The following APBB2 variants were observed in gnomAD, a reference collection of about 807,000 sequenced individuals.
The protein encoded by APBB2 is Fe65-like 1.
Under a neutral mutation model 82.5 loss-of-function variants are expected in APBB2, and 38 were observed. That is an observed-to-expected ratio of 0.46 (90% CI 0.36 to 0.60). The LOEUF is 0.60. Among genes scored for constraint, APBB2 ranks in the 20% least tolerant of loss-of-function variants. The pLI, the probability that APBB2 is intolerant of heterozygous loss-of-function variation, is 0.00. For missense variants in APBB2, 772 were observed against 972.3 expected, an observed-to-expected ratio of 0.79 and a Z score of 2.74; for synonymous variants, 341 against 368.2, an observed-to-expected ratio of 0.93 and a Z score of 0.85.
chr4:41,183,057 T>C (rs1483370114), intron 1 of APBB2, among the ~76,000 whole-genome samples: 1 of 152,148 alleles, frequency 6.6e-6, no homozygotes, highest in Admixed American at 6.5e-5. Context: ...TAAATGGCAA[T>C]TCCATTCTTG....
intron 5 of APBB2, among the ~76,000 whole-genome samples, chr4:41,031,356 A>C (rs542962088): frequency 2.0e-5 from 3 of 152,360 alleles, no homozygotes; most frequent in African/African-American, 7.2e-5. Flanking sequence ...TTATTAGTCA[A>C]GACCCTCTCT....
rs997129746 is a variant in APBB2 at position 40,811,238 on chromosome 4, T to G, written c.*4854A>C. 1 of 152,186 alleles carries G rather than the reference T, an allele frequency of 6.6e-6. No homozygotes were observed. Among genetic ancestry groups the G allele is most frequent in the African/African-American group, 2.4e-5 (1 of 41,436 alleles). 9.4% of individuals were successfully genotyped at this position (152,186 alleles called of 1,614,324 possible). ...ATGAAGGACAGGATTATTTAAATAC[T>G]TTGGTAGAGTGAAAAGGGAAAAGAA... On this transcript the variant is annotated 3_prime_UTR_variant, in exon 18 of 18. Coordinates refer to ENST00000508593, the MANE Select transcript of APBB2 (RefSeq NM_004307.2).
chr4:40,977,084 A>T (rs1277275635), intron 6 of APBB2, among the ~76,000 whole-genome samples: 2 of 152,094 alleles, frequency 1.3e-5, no homozygotes, highest in Admixed American at 6.6e-5. Context: ...AAAGAACTGA[A>T]ATGGTTATTA....
rs536701944 is a variant in APBB2 at position 40,879,661 on chromosome 4, G to A, written c.1529+10703C>T. ...AATTTCTCCTTATTTTTAATAATAT[G>A]TTACGGTTGACCCAGGACAATATTT... On this transcript the variant is annotated intron_variant, in intron 12 of 17. Coordinates refer to ENST00000508593, the MANE Select transcript of APBB2 (RefSeq NM_004307.2). 3.3e-5 allele frequency among the ~76,000 whole-genome samples: 5 copies of A among 151,074 alleles called. No individual in the cohort carries two copies. The South Asian group carries it at 1.0e-3, about 32-fold the overall frequency.
At chr4:40,850,696 C>T (rs1490650552) in intron 12 of APBB2, among the ~76,000 whole-genome samples, 1 of 152,152 alleles carries the variant, frequency 6.6e-6, no homozygotes, top group Non-Finnish European at 1.5e-5. Flanking sequence ...CACATGGCTC[C>T]AAAAGCCTCA....
chr4:41,102,845 G>C (rs1745955837), intron 2 of APBB2, among the ~76,000 whole-genome samples: 1 of 152,172 alleles, frequency 6.6e-6, no homozygotes, highest in Non-Finnish European at 1.5e-5. Flanking sequence ...TTTAGTATGT[G>C]AAAAATTTGT....
chr4:41,104,211 T>C (rs745740062), intron 2 of APBB2, among the ~76,000 whole-genome samples: 1 of 152,214 alleles, frequency 6.6e-6, no homozygotes, highest in Admixed American at 6.5e-5. Context: ...AAAAGAGAGA[T>C]TGGTCTTTGT....
At chr4:40,936,913 A>G (rs4861071) in intron 7 of APBB2, among the ~76,000 whole-genome samples, 64,735 of 151,968 alleles carry the variant, frequency 0.43, 14,809 homozygotes, top group South Asian at 0.6. Flanking sequence ...GTACATGTAC[A>G]TTTTCCTGAG....
At chr4:41,208,288 G>C (rs148637671) in intron 1 of APBB2, among the ~76,000 whole-genome samples, 3,347 of 152,152 alleles carry the variant, frequency 0.022, 129 homozygotes, top group African/African-American at 0.077. Flanking sequence ...TTGAGACAGA[G>C]TCTCGCCCTT....
At chr4:40,836,365 T>TA (rs1266654072) in intron 12 of APBB2, among the ~76,000 whole-genome samples, 2 of 152,056 alleles carry the variant, frequency 1.3e-5, no homozygotes, top group African/African-American at 4.8e-5. Context: ...TAATCCCAGC[T>TA]ACTTGGGAGG....
At chr4:41,177,856 C>T (rs1017366702) in intron 1 of APBB2, among the ~76,000 whole-genome samples, 7 of 152,076 alleles carry the variant, frequency 4.6e-5, no homozygotes, top group Admixed American at 6.5e-5. Context: ...TTATACTTAC[C>T]GGTTGAGCAT....
At chr4:41,002,925 A>C (rs529628434) in intron 6 of APBB2, among the ~76,000 whole-genome samples, 1 of 151,912 alleles carries the variant, frequency 6.6e-6, no homozygotes, top group African/African-American at 2.4e-5. Flanking sequence ...ATGTTTCCTA[A>C]GAAATAAATG....
chr4:40,910,240 CT>C (rs1259297903), intron 10 of APBB2, among the ~76,000 whole-genome samples: 4 of 151,078 alleles, frequency 2.6e-5, no homozygotes, highest in Admixed American at 1.3e-4. Flanking sequence ...GTGCACTAGT[CT>C]TTTTTTTAAT....
At chr4:41,214,034 G>A (rs1780006966) in intron 1 of APBB2, among the ~76,000 whole-genome samples, 1 of 152,190 alleles carries the variant, frequency 6.6e-6, no homozygotes, top group African/African-American at 2.4e-5. Context: ...CCTCCAACCC[G>A]GTCTCCCCCG....
At chr4:40,926,766 T>G (rs1004362321) in intron 10 of APBB2, among the ~76,000 whole-genome samples, 2 of 152,256 alleles carry the variant, frequency 1.3e-5, no homozygotes, top group South Asian at 2.1e-4. Flanking sequence ...GCGTGACACT[T>G]TCCTGGCCTT....
chr4:40,923,217 C>T (rs1056159573), intron 10 of APBB2, among the ~76,000 whole-genome samples: 32 of 152,162 alleles, frequency 2.1e-4, no homozygotes, highest in Admixed American at 2.6e-4. Context: ...CCTTGTGATC[C>T]GCCCGCCTCG....
At chr4:41,047,667 G>T (rs1236303178) in intron 4 of APBB2, among the ~76,000 whole-genome samples, 2 of 152,152 alleles carry the variant, frequency 1.3e-5, no homozygotes, top group East Asian at 3.8e-4. Context: ...CAGAGCCCAG[G>T]CTCCAATCCT....
At chr4:40,923,264 G>A (rs188091515) in intron 10 of APBB2, among the ~76,000 whole-genome samples, 144 of 152,304 alleles carry the variant, frequency 9.5e-4, no homozygotes, top group African/African-American at 3.3e-3. Flanking sequence ...CGTGAGCCAC[G>A]GTCGTGCCCA....
chr4:41,138,598 C>G (rs1758246530), intron 2 of APBB2, among the ~76,000 whole-genome samples: 1 of 152,182 alleles, frequency 6.6e-6, no homozygotes, highest in Non-Finnish European at 1.5e-5. Context: ...AGCTCAATGA[C>G]TGAATAACTA....
Sources: gnomAD v4.1 joint callset for allele counts (sites outside exome capture counted in the v4.1 genomes callset) on GRCh38, gnomAD v4.1.1 for gene constraint, MANE v1.5 for transcripts, NCBI Gene and HGNC (gene_info 2026-07-23, HGNC 2026-07-21) for gene names.